LIG1: variants seen among roughly 807,000 people sequenced by gnomAD.
LIG1 encodes the protein ligase I, DNA, ATP-dependent.
LIG1 carries 70 observed loss-of-function variants against 115.7 expected under a neutral mutation model. That is an observed-to-expected ratio of 0.60 (90% CI 0.50 to 0.74). The LOEUF (loss-of-function observed/expected upper bound fraction) is 0.74. Ranked by LOEUF, LIG1 falls within the 30% of genes least tolerant of loss-of-function variation. The probability of loss-of-function intolerance (pLI) is 0.00; values close to 1 mark genes in which losing one functional copy is unlikely to be tolerated. For synonymous variants in LIG1, 487 were observed against 495.3 expected (o/e 0.98, Z 0.22); for missense variants, 1,115 against 1,225.6 (o/e 0.91, Z 1.35).
rs1202330017 is a variant in LIG1, at chr19:48,123,164, G to A, written c.2149+10C>T. The A allele has an allele frequency of 6.2e-6, 10 of 1,614,070 alleles. No homozygotes were observed. In the South Asian group the frequency reaches 9.9e-5, roughly 16 times the overall value. On this transcript the variant is annotated intron_variant, in intron 22 of 27. Coordinates refer to ENST00000263274, the MANE Select transcript of LIG1 (RefSeq NM_000234.3). ...TGCAGACCTCAGGAGAGAAAAGTGA[G>A]CACCCTCACCTTTCACTGACTGCTC...
At position 48,131,183 on chromosome 19, in the gene LIG1, G is replaced by T. The variant is rs1366066881; in HGVS notation, c.1726-12C>A. The T allele has an allele frequency of 1.2e-6, 2 of 1,607,380 alleles. No homozygotes were observed. Among genetic ancestry groups the T allele is most frequent in the East Asian group, 2.2e-5 (1 of 44,838 alleles). ...TCCAGGGCGTGGATCTGTCACGATG[G>T]GAGAAGGGAGGGGAAATCAGCTGAG... On this transcript the variant is annotated splice_polypyrimidine_tract_variant and intron_variant, in intron 18 of 27. Coordinates refer to ENST00000263274, the MANE Select transcript of LIG1 (RefSeq NM_000234.3).
At chr19:48,163,770 T>C (rs1319983063) in intron 2 of LIG1, among the ~76,000 whole-genome samples, 2 of 151,834 alleles carry the variant, frequency 1.3e-5, no homozygotes, top group African/African-American at 2.4e-5. Context: ...GGTGAAACCC[T>C]GCTTCTACTA....
intron 2 of LIG1, among the ~76,000 whole-genome samples, chr19:48,165,186 G>A (rs931024401): frequency 1.3e-5 from 2 of 152,128 alleles, no homozygotes; most frequent in Non-Finnish European, 2.9e-5. Context: ...TTGAACTCAT[G>A]AGGCGGAGGT....
At chr19:48,149,559 T>C (rs2035336528) in intron 9 of LIG1, among the ~76,000 whole-genome samples, 1 of 152,202 alleles carries the variant, frequency 6.6e-6, no homozygotes. Context: ...GGACCGTTTC[T>C]ACAGGTTCTG....
At chr19:48,146,479 A>T (rs1204046597) in intron 9 of LIG1, among the ~76,000 whole-genome samples, 2 of 152,248 alleles carry the variant, frequency 1.3e-5, no homozygotes, top group African/African-American at 4.8e-5. Flanking sequence ...ACATTTCATG[A>T]TTAAAGTTTA....
At chr19:48,123,531 G>A (rs527311159) in intron 21 of LIG1, 10 of 610,674 alleles carry the variant, frequency 1.6e-5, no homozygotes, top group Non-Finnish European at 2.6e-5. Flanking sequence ...ACCATTTAGA[G>A]TCGGTGACTT....
chr19:48,140,691 A>C (rs1173963413), intron 11 of LIG1, among the ~76,000 whole-genome samples: 1 of 152,308 alleles, frequency 6.6e-6, no homozygotes, highest in South Asian at 2.1e-4. Context: ...CCCTGCACTC[A>C]GTCTGACGCC....
chr19:48,154,217 C>A, intron 5 of LIG1: 2 of 495,084 alleles, frequency 4.0e-6, no homozygotes, highest in Non-Finnish European at 7.5e-6. Context: ...GAAATAATCC[C>A]CACGAGTAAA....
In LIG1 at chr19:48,137,616, C is replaced by T. The variant is rs777331327; in HGVS notation, c.1160G>A (p.Arg387His). The change falls in exon 13 of 28, where the codon CGC becomes CAC. Residue 387 changes from arginine (R) to histidine (H), a missense_variant. Physicochemically the swap from Arg to His is conservative, Grantham distance 29. Coordinates refer to ENST00000263274, the MANE Select transcript of LIG1 (RefSeq NM_000234.3). This position sits in a 1 kb window ranked among gnomAD's most constrained non-coding sequence, Gnocchi z 4.3. Reference sequence around the variant, plus strand: ...TGGCAGCATGAGCCTCTGGGTGCTGCGGCTGTTCTCGGCCACCAGCCCCAC... The same window carrying T: ...TGGCAGCATGAGCCTCTGGGTGCTGTGGCTGTTCTCGGCCACCAGCCCCAC... ...GDVGLVAENS[R>H]STQRLMLPPP... is the part of the protein sequence containing the mutation. 1.6e-5 allele frequency: 26 copies of T among 1,611,944 alleles called. No homozygotes were observed. Among genetic ancestry groups the T allele is most frequent in the Non-Finnish European group, 2.1e-5 (25 of 1,179,886 alleles).
At chr19:48,159,390 G>A (rs1161465762) in intron 4 of LIG1, among the ~76,000 whole-genome samples, 1 of 152,080 alleles carries the variant, frequency 6.6e-6, no homozygotes, top group Non-Finnish European at 1.5e-5. Context: ...TTTAAACACT[G>A]CCCAGGACTA....
chr19:48,167,906 GA>G (rs2036569568), intron 1 of LIG1, among the ~76,000 whole-genome samples: 1 of 151,856 alleles, frequency 6.6e-6, no homozygotes. Context: ...GCCAGTTGGG[GA>G]GCAGGAAGTA....
At position 48,123,205 on chromosome 19, in the gene LIG1, C is replaced by T; in HGVS notation, c.2118G>A (p.Gln706=). The stretch of plus-strand genomic sequence containing the variant: ...CTGACTGCTCCAGGAACTCGGCGAT[C>T]TGCTCGATGTCCTTGGTGTCCAGGG... ...ATSLDTKDIE[Q]IAEFLEQSVK... The change falls in exon 22 of 28, where the codon CAG becomes CAA. Residue 706 remains glutamine (Q), a synonymous_variant. Coordinates refer to ENST00000263274, the MANE Select transcript of LIG1 (RefSeq NM_000234.3). 2 of 1,614,136 alleles carry T rather than the reference C, an allele frequency of 1.2e-6. No homozygotes were observed. Among genetic ancestry groups the T allele is most frequent in the African/African-American group, 1.3e-5 (1 of 75,034 alleles).
At chr19:48,126,892 T>G (rs2033705337) in intron 21 of LIG1, 1 of 259,472 alleles carries the variant, frequency 3.9e-6, no homozygotes, top group Non-Finnish European at 7.7e-6. Context: ...ATAACATATT[T>G]TGATGAAACA....
At chr19:48,155,786 C>T (rs1027245077) in intron 5 of LIG1, among the ~76,000 whole-genome samples, 3 of 152,122 alleles carry the variant, frequency 2.0e-5, no homozygotes, top group Non-Finnish European at 2.9e-5. Context: ...AGATTTTCAT[C>T]GGCAACATGA....
chr19:48,115,527 C>G lies in LIG1; in HGVS notation c.*122G>C, dbSNP rs1354619800. On this transcript the variant is annotated 3_prime_UTR_variant, in exon 28 of 28. Coordinates refer to ENST00000263274, the MANE Select transcript of LIG1 (RefSeq NM_000234.3). Reference sequence around the variant, plus strand: ...GTAAGCCACCCCCTCACACACACACCCCTCCCCTGACTCTCAAAATCCACA... The same window carrying G: ...GTAAGCCACCCCCTCACACACACACGCCTCCCCTGACTCTCAAAATCCACA... 1 of 736,096 alleles carries G rather than the reference C, an allele frequency of 1.4e-6. No homozygotes were observed. The highest frequency in any genetic ancestry group is 1.7e-5 in the African/African-American group (1 of 57,726). The allele number at this position is 736,096 out of a possible 1,614,324, so 45.6% of individuals were successfully genotyped here. A position where few individuals can be genotyped will look rare whatever the true frequency, so the allele number is the denominator to read the frequency against.
chr19:48,133,140 G>A lies in LIG1; in HGVS notation c.1610-43C>T. ...TGAGTTAGAGGAGAGGGAAGGCAAT[G>A]GATTAGAGGGGGAACATGGAGAGGA... On this transcript the variant is annotated intron_variant, in intron 17 of 27. Coordinates refer to ENST00000263274, the MANE Select transcript of LIG1 (RefSeq NM_000234.3). The A allele has an allele frequency of 2.5e-6, 3 of 1,224,356 alleles. No individual in the cohort carries two copies. In the Middle Eastern group the frequency reaches 5.6e-4, roughly 228 times the overall value. 75.8% of individuals were successfully genotyped at this position (1,224,356 alleles called of 1,614,324 possible). A position where few individuals can be genotyped will look rare whatever the true frequency, so the allele number is the denominator to read the frequency against.
intron 21 of LIG1, among the ~76,000 whole-genome samples, chr19:48,125,480 C>T (rs532139105): frequency 4.9e-4 from 74 of 151,354 alleles, no homozygotes; most frequent in African/African-American, 1.7e-3. Flanking sequence ...CCTGTCCCGG[C>T]GAAGGACAGA....
At chr19:48,154,171 T>C in intron 5 of LIG1, 1 of 604,804 alleles carries the variant, frequency 1.7e-6, no homozygotes, top group South Asian at 1.7e-5. Context: ...GGTTACTTAA[T>C]TTCTCTGTGC....
rs1036880081 is a variant in LIG1, at chr19:48,139,883, T to G, written c.1087+88A>C. 53 of 1,458,426 alleles carry G rather than the reference T, an allele frequency of 3.6e-5. 1 individual carries two copies. The highest frequency in any genetic ancestry group is 1.7e-4 in the Middle Eastern group (1 of 5,796). The allele number at this position is 1,458,426 out of a possible 1,614,324, so 90.3% of individuals were successfully genotyped here. ...CCTCAACCCTGTTTCACAGCCTCTC[T>G]CCACCATCTCTCCGATCCACCTGAC... On this transcript the variant is annotated intron_variant, in intron 12 of 27. Coordinates refer to ENST00000263274, the MANE Select transcript of LIG1 (RefSeq NM_000234.3).
Sources: gnomAD v4.1 joint callset for allele counts (sites outside exome capture counted in the v4.1 genomes callset) on GRCh38, gnomAD v4.1.1 for gene constraint, Gnocchi (gnomAD v3.1) non-coding constraint, MANE v1.5 for transcripts, NCBI Gene and HGNC (gene_info 2026-07-23, HGNC 2026-07-21) for gene names.